PTTG1IP2: variants seen among roughly 807,000 people sequenced by gnomAD.
The protein encoded by PTTG1IP2 is PTTG1IP family member 2.
intron 6 of PTTG1IP2, among the ~76,000 whole-genome samples, chr7:90,508,490 C>A (rs115679721): frequency 6.6e-6 from 1 of 151,754 alleles, no homozygotes; most frequent in African/African-American, 2.4e-5. Context: ...AGGACATTTT[C>A]GGGGGAGGAA....
intron 6 of PTTG1IP2, among the ~76,000 whole-genome samples, chr7:90,504,528 G>A (rs572541843): frequency 2.0e-5 from 3 of 152,298 alleles, no homozygotes; most frequent in African/African-American, 7.2e-5. Context: ...TGTGAAAACA[G>A]CTATAGACCA....
At chr7:90,510,080 T>C (rs1325397932) in intron 6 of PTTG1IP2, among the ~76,000 whole-genome samples, 1 of 152,142 alleles carries the variant, frequency 6.6e-6, no homozygotes, top group South Asian at 2.1e-4. Context: ...GGGAGCATCA[T>C]GTAGAGATGT....
At chr7:90,494,574 A>G (rs562044755) in intron 6 of PTTG1IP2, 144 bp downstream of exon 6, 1 of 152,198 alleles carries the variant, frequency 6.6e-6, no homozygotes, top group African/African-American at 2.4e-5. Flanking sequence ...TTCAATGCCC[A>G]AAACATGTAA....
intron 2 of PTTG1IP2, among the ~76,000 whole-genome samples, chr7:90,486,181 G>T (rs2116071951): frequency 6.6e-6 from 1 of 152,236 alleles, no homozygotes; most frequent in African/African-American, 2.4e-5. Context: ...AAGTGATTGG[G>T]TGGGGTCTGG....
chr7:90,504,238 C>G (rs950883021), intron 6 of PTTG1IP2, among the ~76,000 whole-genome samples: 6 of 151,906 alleles, frequency 3.9e-5, no homozygotes, highest in African/African-American at 1.5e-4. Context: ...ATTGCTTGAA[C>G]CTGGGAAGCA....
At chr7:90,482,743 T>A (rs1797827854) in intron 2 of PTTG1IP2, among the ~76,000 whole-genome samples, 1 of 140,402 alleles carries the variant, frequency 7.1e-6, no homozygotes, top group African/African-American at 2.7e-5. Context: ...TTTTTGCTTT[T>A]TGCTAATGAG....
intron 6 of PTTG1IP2, among the ~76,000 whole-genome samples, chr7:90,509,749 G>A (rs868551555): frequency 1.4e-4 from 21 of 152,286 alleles, no homozygotes; most frequent in African/African-American, 4.8e-4. Flanking sequence ...CAAGAAGCTG[G>A]AGGCTGGGAC....
chr7:90,505,219 G>A (rs1245308317), intron 6 of PTTG1IP2, among the ~76,000 whole-genome samples: 7 of 152,140 alleles, frequency 4.6e-5, no homozygotes, highest in Non-Finnish European at 8.8e-5. Context: ...AAGGGTATTC[G>A]ATGCCTTTTC....
intron 6 of PTTG1IP2, among the ~76,000 whole-genome samples, chr7:90,505,953 C>T (rs1798118944): frequency 7.2e-6 from 1 of 138,944 alleles, no homozygotes; most frequent in African/African-American, 2.7e-5. Flanking sequence ...CACTGCAGTC[C>T]GCAGTCCGGC....
intron 2 of PTTG1IP2, among the ~76,000 whole-genome samples, chr7:90,485,185 A>G (rs569463981): frequency 6.6e-6 from 1 of 152,328 alleles, no homozygotes; most frequent in South Asian, 2.1e-4. Flanking sequence ...AAAGTAGCAG[A>G]CAGATTTTAA....
At chr7:90,484,045 T>A (rs17868941) in intron 2 of PTTG1IP2, among the ~76,000 whole-genome samples, 7 of 152,062 alleles carry the variant, frequency 4.6e-5, no homozygotes, top group East Asian at 3.9e-4. Flanking sequence ...TTTTTTTTTT[T>A]AAATCACATC....
intron 2 of PTTG1IP2, 95 bp downstream of exon 2, chr7:90,479,369 C>T (rs1361105963): frequency 6.6e-6 from 1 of 152,460 alleles, no homozygotes; most frequent in Non-Finnish European, 1.5e-5. Flanking sequence ...CTTTGTTTTA[C>T]ACATTTTTTA....
rs1020110052 is a variant in PTTG1IP2 at position 90,492,180 on chromosome 7, A to G, written c.381-59A>G. The stretch of plus-strand genomic sequence containing the variant: ...GTAGTCTATCTAATGAAAAAATAAT[A>G]GTTCCAACTATAACTTGTACTGTTC... On this transcript the variant is annotated intron_variant, in intron 4 of 6. Coordinates refer to ENST00000509356, the MANE Select transcript of PTTG1IP2 (RefSeq NM_001365443.2). The G allele has an allele frequency of 1.2e-4, 19 of 152,220 alleles. 1 individual carries two copies. The highest frequency in any genetic ancestry group is 1.5e-5 in the Non-Finnish European group (1 of 68,028). 9.4% of individuals were successfully genotyped at this position (152,220 alleles called of 1,614,324 possible). A position where few individuals can be genotyped will look rare whatever the true frequency, so the allele number is the denominator to read the frequency against.
At chr7:90,491,558 G>A (rs1797938257) in intron 4 of PTTG1IP2, among the ~76,000 whole-genome samples, 1 of 151,938 alleles carries the variant, frequency 6.6e-6, no homozygotes, top group South Asian at 2.1e-4. Flanking sequence ...TGGAGGCAGA[G>A]GTTGCAGTGA....
chr7:90,487,903 A>G (rs992782512), intron 3 of PTTG1IP2, among the ~76,000 whole-genome samples: 5 of 152,280 alleles, frequency 3.3e-5, no homozygotes, highest in African/African-American at 1.2e-4. Flanking sequence ...GATATATTAT[A>G]TCTAGAAACA....
chr7:90,485,505 C>T (rs944745996), intron 2 of PTTG1IP2, among the ~76,000 whole-genome samples: 6 of 152,154 alleles, frequency 3.9e-5, no homozygotes, highest in East Asian at 1.9e-4. Flanking sequence ...GAGAGAAAGC[C>T]GGATAACAAC....
chr7:90,478,635 C>G (rs1484532710), intron 1 of PTTG1IP2, among the ~76,000 whole-genome samples: 2 of 152,124 alleles, frequency 1.3e-5, no homozygotes, highest in Non-Finnish European at 2.9e-5. Context: ...ACATTAATTC[C>G]AGACCCTTTC....
At chr7:90,499,472 C>T (rs6946589) in intron 6 of PTTG1IP2, among the ~76,000 whole-genome samples, 1,568 of 152,308 alleles carry the variant, frequency 0.01, 25 homozygotes, top group African/African-American at 0.034. Flanking sequence ...AACTGCAGAA[C>T]AGCATTCACT....
chr7:90,486,743 T>G (rs1404328480), intron 2 of PTTG1IP2, among the ~76,000 whole-genome samples: 1 of 152,176 alleles, frequency 6.6e-6, no homozygotes, highest in African/African-American at 2.4e-5. Context: ...AAAAACCATT[T>G]ACCTCAGTTC....
Sources: gnomAD v4.1 joint callset for allele counts (sites outside exome capture counted in the v4.1 genomes callset) on GRCh38, gnomAD v4.1.1 for gene constraint, MANE v1.5 for transcripts, NCBI Gene and HGNC (gene_info 2026-07-23, HGNC 2026-07-21) for gene names.